Variants in USP43 observed in about 807,000 individuals in gnomAD.
USP43 encodes the protein ubiquitin specific peptidase 43, also known as ubiquitin carboxyl-terminal hydrolase 43.
Under a neutral mutation model 90.7 loss-of-function variants are expected in USP43, and 33 were observed. The observed-to-expected ratio is 0.36, with a 90% CI of 0.28 to 0.49. USP43 has a LOEUF of 0.49. USP43 is among the 20% of genes least tolerant of loss of function. The pLI, the probability that USP43 is intolerant of heterozygous loss-of-function variation, is 0.98. For missense variants in USP43, 1,274 were observed against 1,476.4 expected, an observed-to-expected ratio of 0.86 and a Z score of 2.25; for synonymous variants, 598 against 615.8, an observed-to-expected ratio of 0.97 and a Z score of 0.43.
chr17:9,682,280 G>T (rs1222262530), intron 6 of USP43, among the ~76,000 whole-genome samples: 1 of 152,036 alleles, frequency 6.6e-6, no homozygotes, highest in Admixed American at 6.6e-5. Flanking sequence ...AAAACTATAG[G>T]GTGATGGCCA....
chr17:9,721,373 C>G (rs1364890969), intron 14 of USP43, among the ~76,000 whole-genome samples: 1 of 152,180 alleles, frequency 6.6e-6, no homozygotes, highest in East Asian at 1.9e-4. Flanking sequence ...GAAGTCTCAA[C>G]TCTTTCAGAT....
Position 9,646,001 on chromosome 17 carries a change from C to G in USP43, c.369C>G (p.Asp123Glu). The G allele has an allele frequency of 6.7e-7, 1 of 1,485,120 alleles. No individual in the cohort carries two copies. The highest frequency in any genetic ancestry group is 1.3e-5 in the South Asian group (1 of 76,312). The allele number at this position is 1,485,120 out of a possible 1,614,324, so 92.0% of individuals were successfully genotyped here. A position where few individuals can be genotyped will look rare whatever the true frequency, so the allele number is the denominator to read the frequency against. The change falls in exon 1 of 15, where the codon GAC becomes GAG. Residue 123 changes from aspartate to glutamate, a missense_variant. Coordinates refer to ENST00000285199, the MANE Select transcript of USP43 (RefSeq NM_153210.5). Reference protein sequence around the residue: ...NAVVQCLSNTDLLAEFLALGR... With the variant: ...NAVVQCLSNTELLAEFLALGR... ...TGGTGCAGTGTCTCAGCAACACCGA[C>G]CTGCTGGCCGAGTTCCTGGCGCTGG...
chr17:9,695,342 C>CT (rs1334677843), intron 9 of USP43, among the ~76,000 whole-genome samples: 11 of 151,232 alleles, frequency 7.3e-5, no homozygotes, highest in African/African-American at 1.2e-4. Flanking sequence ...CATAAAATTA[C>CT]TTTTTTTTTG....
chr17:9,659,706 A>G (rs1912517902), intron 2 of USP43, among the ~76,000 whole-genome samples: 1 of 151,962 alleles, frequency 6.6e-6, no homozygotes, highest in African/African-American at 2.4e-5. Flanking sequence ...AAAGGCATTG[A>G]TTGGGCTTAA....
intron 6 of USP43, 68 bp downstream of exon 6, chr17:9,680,434 G>A (rs527343813): frequency 6.4e-7 from 1 of 1,562,144 alleles, no homozygotes; most frequent in African/African-American, 1.4e-5. Context: ...GATACTCCTT[G>A]GGTGCAAAGG....
At chr17:9,724,292 A>G (rs1206351503) in intron 14 of USP43, among the ~76,000 whole-genome samples, 2 of 152,082 alleles carry the variant, frequency 1.3e-5, no homozygotes, top group Non-Finnish European at 2.9e-5. Flanking sequence ...CGGGGACCAG[A>G]GGAAAGTTGG....
At chr17:9,694,988 T>C (rs947430504) in intron 9 of USP43, among the ~76,000 whole-genome samples, 1 of 152,156 alleles carries the variant, frequency 6.6e-6, no homozygotes, top group African/African-American at 2.4e-5. Context: ...AAACTGGTCT[T>C]TTACCATAGG....
chr17:9,693,207 CCT>C lies in USP43; in HGVS notation c.1437_1438del (p.Cys480SerfsTer5). Reference sequence around the variant, plus strand: ...ATTTGTCTCCGAAGGACAGTCGGCCCCTCTGTCACTGGGCAGTTGACAGGTAA... The same window carrying C: ...ATTTGTCTCCGAAGGACAGTCGGCCCCTGTCACTGGGCAGTTGACAGGTAA... ...SYLSPKDSRPLCHWAVDRVLH... is the reference protein window; with the variant it reads ...SYLSPKDSRPXCHWAVDRVLH... On this transcript the variant is annotated frameshift_variant, in exon 9 of 15. Coordinates refer to ENST00000285199, the MANE Select transcript of USP43 (RefSeq NM_153210.5). LOFTEE classifies it high-confidence loss of function. 6.2e-7 allele frequency: 1 copy of C among 1,613,166 alleles called. No individual in the cohort carries two copies. The highest frequency in any genetic ancestry group is 8.5e-7 in the Non-Finnish European group (1 of 1,179,666).
At position 9,649,658 on chromosome 17, in the gene USP43, A is replaced by G. The variant is rs566538558; in HGVS notation, c.504+3522A>G. Among the ~76,000 whole-genome samples, 20 of 148,694 alleles carry G rather than the reference A, an allele frequency of 1.3e-4. No individual in the cohort carries two copies. In the South Asian group the frequency reaches 4.3e-3, roughly 32 times the overall value. On this transcript the variant is annotated intron_variant, in intron 1 of 14. Coordinates refer to ENST00000285199, the MANE Select transcript of USP43 (RefSeq NM_153210.5). ...ATTTTCTGTGCTTTTCTAATGATGT[A>G]ATTAAATGTTGCACATTGTAAAAAA...
intron 14 of USP43, among the ~76,000 whole-genome samples, chr17:9,722,613 A>G (rs1292119155): frequency 6.6e-6 from 1 of 152,088 alleles, no homozygotes; most frequent in African/African-American, 2.4e-5. Flanking sequence ...GTTAATTGCT[A>G]CTTTCTCTAT....
intron 12 of USP43, among the ~76,000 whole-genome samples, chr17:9,706,642 T>C: frequency 7.8e-6 from 1 of 127,746 alleles, no homozygotes; most frequent in African/African-American, 3.5e-5. Flanking sequence ...TTTTTTTTTT[T>C]TTTTTTTTTT....
intron 6 of USP43, 81 bp downstream of exon 6, chr17:9,680,447 T>C: frequency 2.0e-6 from 3 of 1,503,984 alleles, no homozygotes; most frequent in Non-Finnish European, 2.7e-6. Context: ...TGCAAAGGCA[T>C]AAAACATCCA....
chr17:9,653,026 C>T (rs1242342409), intron 1 of USP43, among the ~76,000 whole-genome samples: 1 of 152,086 alleles, frequency 6.6e-6, no homozygotes, highest in African/African-American at 2.4e-5. Context: ...CTGAGTATGT[C>T]ATAAGTTTTC....
At chr17:9,651,429 G>A (rs1911852800) in intron 1 of USP43, among the ~76,000 whole-genome samples, 1 of 152,032 alleles carries the variant, frequency 6.6e-6, no homozygotes, top group East Asian at 1.9e-4. Context: ...TGACCTGTGA[G>A]CCACTTTACC....
Position 9,681,563 on chromosome 17 carries a change from G to A in USP43, c.1105+1197G>A, listed in dbSNP as rs572035344. On this transcript the variant is annotated intron_variant, in intron 6 of 14. Transcript: ENST00000285199. ...GGCTGGAGTGCAGTGGCGTGATCTT[G>A]GCTCACTGCAACCTCCACCTCCTGG... 1.9e-4 allele frequency among the ~76,000 whole-genome samples: 26 copies of A among 138,626 alleles called. 1 individual carries two copies. In the East Asian group the frequency reaches 5.3e-3, roughly 28 times the overall value. 90.9% of individuals were successfully genotyped at this position (138,626 alleles called of 152,430 possible).
At chr17:9,689,783 G>A (rs1567665899) in intron 8 of USP43, among the ~76,000 whole-genome samples, 3 of 152,162 alleles carry the variant, frequency 2.0e-5, no homozygotes, top group Admixed American at 2.0e-4. Flanking sequence ...TGCAGGCAGA[G>A]TAGGCTGCCT....
chr17:9,679,375 A>T (rs28615311), intron 5 of USP43, among the ~76,000 whole-genome samples: 63 of 150,396 alleles, frequency 4.2e-4, no homozygotes, highest in Middle Eastern at 3.5e-3. Flanking sequence ...CTAATTTTTT[A>T]AAAAAATTGT....
At chr17:9,649,364 C>CT (rs1379396858) in intron 1 of USP43, among the ~76,000 whole-genome samples, 1 of 151,844 alleles carries the variant, frequency 6.6e-6, no homozygotes, top group African/African-American at 2.4e-5. Flanking sequence ...TCTTCTCTTT[C>CT]TTTTTTTTAA....
intron 9 of USP43, among the ~76,000 whole-genome samples, chr17:9,696,485 G>C (rs8073331): frequency 0.3 from 45,006 of 151,928 alleles, 7,697 homozygotes; most frequent in East Asian, 0.7. Flanking sequence ...TTAGGCCAAA[G>C]TCTCCTAGAT....
Sources: allele counts gnomAD v4.1 joint callset (sites outside exome capture counted in the v4.1 genomes callset), GRCh38; gene constraint gnomAD v4.1.1; transcripts MANE v1.5; gene names NCBI Gene and HGNC (gene_info 2026-07-23, HGNC 2026-07-21).